Variants in NUP210L observed in about 807,000 individuals in gnomAD.
The protein encoded by NUP210L is nucleoporin 210 like.
NUP210L carries 74 observed loss-of-function variants against 208.5 expected under a neutral mutation model. The ratio of observed to expected loss-of-function variants is 0.35; its 90% CI spans 0.29 to 0.43. NUP210L has a LOEUF of 0.43. Among genes scored for constraint, NUP210L ranks in the 20% least tolerant of loss-of-function variants. The pLI, the probability that NUP210L is intolerant of heterozygous loss-of-function variation, is 1.00. For missense variants in NUP210L, 1,843 were observed against 2,289.4 expected (o/e 0.81, Z 3.98); for synonymous variants, 780 against 816.9 (o/e 0.95, Z 0.77).
chr1:154,108,446 G>T (rs1656879610), intron 12 of NUP210L, among the ~76,000 whole-genome samples: 1 of 152,138 alleles, frequency 6.6e-6, no homozygotes, highest in African/African-American at 2.4e-5. Flanking sequence ...GGGATTACAG[G>T]CATGAGCCAC....
chr1:154,000,098 T>A (rs1031574995), intron 37 of NUP210L, among the ~76,000 whole-genome samples: 1 of 152,164 alleles, frequency 6.6e-6, no homozygotes, highest in Non-Finnish European at 1.5e-5. Flanking sequence ...CCCAAAGTGC[T>A]GGAATTACAA....
At chr1:154,004,749 G>A (rs554284829) in intron 35 of NUP210L, among the ~76,000 whole-genome samples, 1 of 151,578 alleles carries the variant, frequency 6.6e-6, no homozygotes, top group East Asian at 2.0e-4. Context: ...TGGGCTCAAG[G>A]GATTCCCCCA....
intron 10 of NUP210L, among the ~76,000 whole-genome samples, chr1:154,123,210 A>G (rs1169152787): frequency 1.3e-5 from 2 of 152,100 alleles, no homozygotes; most frequent in Non-Finnish European, 2.9e-5. Context: ...CAATGGCGCA[A>G]CCTCGGCTCA....
At chr1:154,115,366 C>G (rs1412903915) in intron 12 of NUP210L, among the ~76,000 whole-genome samples, 1 of 152,154 alleles carries the variant, frequency 6.6e-6, no homozygotes, top group Non-Finnish European at 1.5e-5. Flanking sequence ...AACTCAGCAG[C>G]TGTGGCTTGA....
At chr1:154,152,836 A>T (rs771541649) in exon 2 of NUP210L, 1 of 1,614,036 alleles carries the variant, frequency 6.2e-7, no homozygotes, top group Non-Finnish European at 8.5e-7. Context: ...TTTCATATAA[A>T]GGCTCAACAG....
intron 17 of NUP210L, among the ~76,000 whole-genome samples, chr1:154,066,937 G>C (rs1453531316): frequency 6.6e-6 from 1 of 152,298 alleles, no homozygotes; most frequent in East Asian, 1.9e-4. Context: ...CTCTGAAATT[G>C]AGGCAATAAT....
intron 35 of NUP210L, among the ~76,000 whole-genome samples, chr1:154,004,879 A>T: frequency 9.0e-6 from 1 of 110,674 alleles, no homozygotes. Flanking sequence ...TTTGAGATGG[A>T]ATCTCACTCT....
chr1:154,148,566 A>G (rs1424171726), intron 2 of NUP210L, among the ~76,000 whole-genome samples: 2 of 152,236 alleles, frequency 1.3e-5, no homozygotes, highest in Non-Finnish European at 2.9e-5. Flanking sequence ...TGTATCTTTA[A>G]TTGAATCCTA....
chr1:154,065,576 T>C (rs1245387390), intron 17 of NUP210L, among the ~76,000 whole-genome samples: 1 of 151,944 alleles, frequency 6.6e-6, no homozygotes, highest in East Asian at 1.9e-4. Flanking sequence ...TGATAAAATC[T>C]AAAATAAAAC....
chr1:154,105,231 C>T (rs1164285399), intron 12 of NUP210L, among the ~76,000 whole-genome samples: 6 of 147,716 alleles, frequency 4.1e-5, no homozygotes, highest in Non-Finnish European at 6.0e-5. Context: ...GGCTCACGCA[C>T]GTAATCTCAG....
Position 154,110,235 on chromosome 1 carries a change from C to CA in NUP210L, c.1621-6026dup, listed in dbSNP as rs1268438629. Among the ~76,000 whole-genome samples the CA allele has an allele frequency of 8.2e-4, 104 of 127,190 alleles. 1 individual carries two copies. In the East Asian group the frequency reaches 9.3e-3, roughly 11 times the overall value. The allele number at this position is 127,190 out of a possible 152,430, so 83.4% of individuals were successfully genotyped here. A position where few individuals can be genotyped will look rare whatever the true frequency, so the allele number is the denominator to read the frequency against. On this transcript the variant is annotated intron_variant, in intron 12 of 39. Coordinates refer to ENST00000368559, the Ensembl canonical transcript of NUP210L. The stretch of plus-strand genomic sequence containing the variant: ...GGGAAACAAGAGCAAAACTCTGTCT[C>CA]AAAAAAAAAAAGGTAGAAAAACTTG...
At chr1:154,015,906 C>CA (rs1553221870) in intron 33 of NUP210L, among the ~76,000 whole-genome samples, 12 of 133,924 alleles carry the variant, frequency 9.0e-5, no homozygotes, top group Admixed American at 2.4e-4. Context: ...GACCCTGTCT[C>CA]AATAAATAAA....
exon 33 of NUP210L, chr1:154,019,019 T>A (rs761299359): frequency 6.2e-7 from 1 of 1,614,114 alleles, no homozygotes; most frequent in Non-Finnish European, 8.5e-7. Context: ...CCAGTGACAA[T>A]GTCTGTCTGT....
chr1:154,054,555 T>G, intron 24 of NUP210L, 148 bp from the exon 25 acceptor site: 1 of 808,854 alleles, frequency 1.2e-6, no homozygotes, highest in East Asian at 2.7e-5. Context: ...GCAGAAGAAA[T>G]GGAAGTACTG....
chr1:154,052,725 A>G (rs1318597226), intron 25 of NUP210L, among the ~76,000 whole-genome samples: 1 of 152,264 alleles, frequency 6.6e-6, no homozygotes, highest in African/African-American at 2.4e-5. Flanking sequence ...TATTGCCCTC[A>G]AAAACCTATT....
intron 33 of NUP210L, among the ~76,000 whole-genome samples, chr1:154,015,597 GTA>G (rs1651192270): frequency 6.6e-6 from 1 of 152,130 alleles, no homozygotes; most frequent in Non-Finnish European, 1.5e-5. Flanking sequence ...GCAGGTGCCT[GTA>G]ATCCCAGCTA....
rs1465568341 is a variant in NUP210L, at chr1:154,154,927, TAA to T, written c.116_117del (p.Leu39GlnfsTer35). 2 of 1,614,110 alleles carry T rather than the reference TAA, an allele frequency of 1.2e-6. No individual in the cohort carries two copies. The highest frequency in any genetic ancestry group is 1.3e-5 in the African/African-American group (1 of 74,938). ...AAGGGTAGCAACACCTGTGGCACGT[TAA>T]GTTTGTTGGCCAGGGTCCCACGCAA... is the stretch of plus-strand genomic sequence containing the variant. On this transcript the variant is annotated frameshift_variant, in exon 1 of 40. Coordinates refer to ENST00000368559, the Ensembl canonical transcript of NUP210L. LOFTEE classifies it high-confidence loss of function.
intron 2 of NUP210L, among the ~76,000 whole-genome samples, chr1:154,144,462 C>A (rs1173293903): frequency 1.3e-5 from 2 of 152,102 alleles, no homozygotes; most frequent in Non-Finnish European, 2.9e-5. Context: ...AGCCTGGGAA[C>A]CACCGTATTA....
At chr1:154,082,194 C>T (rs777916201) in intron 16 of NUP210L, among the ~76,000 whole-genome samples, 6 of 152,110 alleles carry the variant, frequency 3.9e-5, no homozygotes, top group Non-Finnish European at 5.9e-5. Flanking sequence ...TAACAAATTA[C>T]CAAACTTGTT....
Sources: gnomAD v4.1 joint callset for allele counts (sites outside exome capture counted in the v4.1 genomes callset) on GRCh38, gnomAD v4.1.1 for gene constraint, MANE v1.5 for transcripts, NCBI Gene and HGNC (gene_info 2026-07-23, HGNC 2026-07-21) for gene names.